Variants in PLCB1 observed in about 807,000 individuals in gnomAD.
PLCB1 encodes the protein 1-phosphatidylinositol 4,5-bisphosphate phosphodiesterase beta-1.
Under a neutral mutation model 161.8 loss-of-function variants are expected in PLCB1, and 46 were observed. The observed-to-expected ratio is 0.28, with a 90% CI of 0.22 to 0.36. The LOEUF is 0.36. PLCB1 is among the 10% of genes least tolerant of loss of function. The pLI, the probability that PLCB1 is intolerant of heterozygous loss-of-function variation, is 1.00. For synonymous variants in PLCB1, 517 were observed against 503.7 expected (o/e 1.03, Z -0.35); for missense variants, 1,016 against 1,472.5 (o/e 0.69, Z 5.07).
intron 2 of PLCB1, among the ~76,000 whole-genome samples, chr20:8,167,712 C>G (rs2051689697): frequency 6.6e-6 from 1 of 152,142 alleles, no homozygotes; most frequent in Non-Finnish European, 1.5e-5. Flanking sequence ...AGAGGGATTT[C>G]TCTTTTATCT....
At chr20:8,455,767 G>A (rs1283359017) in intron 3 of PLCB1, among the ~76,000 whole-genome samples, 7 of 152,106 alleles carry the variant, frequency 4.6e-5, no homozygotes, top group Non-Finnish European at 1.0e-4. Flanking sequence ...GAGAATGTGA[G>A]GAGGATGTGG....
intron 1 of PLCB1, among the ~76,000 whole-genome samples, chr20:8,138,193 A>G (rs2051368114): frequency 6.6e-6 from 1 of 152,226 alleles, no homozygotes; most frequent in African/African-American, 2.4e-5. Context: ...CCTATGGTGA[A>G]TGAGGATAAT....
chr20:8,415,716 T>C (rs964322898), intron 3 of PLCB1, among the ~76,000 whole-genome samples: 14 of 152,130 alleles, frequency 9.2e-5, no homozygotes, highest in African/African-American at 3.1e-4. Flanking sequence ...CCTTAGATGG[T>C]GGACATGGTG....
chr20:8,742,709 T>G (rs1980947493), intron 23 of PLCB1, among the ~76,000 whole-genome samples: 1 of 152,116 alleles, frequency 6.6e-6, no homozygotes, highest in African/African-American at 2.4e-5. Flanking sequence ...TAAATATTCT[T>G]CTATGACATG....
chr20:8,259,955 C>T (rs1218988568), intron 2 of PLCB1, among the ~76,000 whole-genome samples: 2 of 152,094 alleles, frequency 1.3e-5, no homozygotes, highest in African/African-American at 4.8e-5. Flanking sequence ...CAGACTCTCT[C>T]TCCCTAAAAA....
At chr20:8,548,193 T>C (rs976012463) in intron 3 of PLCB1, among the ~76,000 whole-genome samples, 84 of 149,008 alleles carry the variant, frequency 5.6e-4, no homozygotes, top group Non-Finnish European at 7.5e-4. Flanking sequence ...TAGCTTTCTT[T>C]CTTCCCATTT....
At chr20:8,489,929 T>C (rs1480303336) in intron 3 of PLCB1, among the ~76,000 whole-genome samples, 3 of 152,198 alleles carry the variant, frequency 2.0e-5, no homozygotes, top group Non-Finnish European at 4.4e-5. Flanking sequence ...TTTGATTTAT[T>C]TTAATGAAGA....
intron 2 of PLCB1, among the ~76,000 whole-genome samples, chr20:8,325,416 T>C (rs1189274131): frequency 2.6e-5 from 4 of 152,162 alleles, no homozygotes; most frequent in Non-Finnish European, 5.9e-5. Context: ...CAACATTTGT[T>C]TGGGAGAGAT....
intron 31 of PLCB1, among the ~76,000 whole-genome samples, chr20:8,797,679 G>A (rs1290260485): frequency 6.6e-6 from 1 of 152,088 alleles, no homozygotes; most frequent in African/African-American, 2.4e-5. Flanking sequence ...GCTTGTTGCA[G>A]GGAAGCTTTC....
chr20:8,874,678 T>C (rs1316395726), intron 31 of PLCB1, among the ~76,000 whole-genome samples: 2 of 152,056 alleles, frequency 1.3e-5, no homozygotes, highest in East Asian at 1.9e-4. Context: ...CAATACATAA[T>C]GCATATGTGG....
At chr20:8,399,533 GA>G (rs1978452050) in intron 3 of PLCB1, among the ~76,000 whole-genome samples, 1 of 151,980 alleles carries the variant, frequency 6.6e-6, no homozygotes, top group Admixed American at 6.6e-5. Context: ...TTCTATAAGG[GA>G]AAAGTGGATT....
intron 2 of PLCB1, among the ~76,000 whole-genome samples, chr20:8,223,916 A>G (rs6055665): frequency 0.012 from 1,849 of 152,324 alleles, 43 homozygotes; most frequent in African/African-American, 0.042. Context: ...GAAAGCACAA[A>G]AGGGATAGAA....
rs2051636608 is a variant in PLCB1, at chr20:8,162,517, T to C, written c.177+12146T>C. ...AGATAATTTCAGGTGTGATAGGAAG[T>C]TTGCCTTTCATCACCTCTACATGAT... On this transcript the variant is annotated intron_variant, in intron 2 of 31. Transcript: ENST00000338037. 2.6e-5 allele frequency among the ~76,000 whole-genome samples: 4 copies of C among 152,170 alleles called. No individual in the cohort carries two copies. The South Asian group carries it at 6.2e-4, about 24-fold the overall frequency.
chr20:8,186,780 A>T (rs1227577426), intron 2 of PLCB1, among the ~76,000 whole-genome samples: 4 of 152,178 alleles, frequency 2.6e-5, no homozygotes, highest in African/African-American at 9.7e-5. Context: ...ACTGTGATGC[A>T]CATTTGACCC....
chr20:8,750,907 T>G (rs767527711), intron 23 of PLCB1: 18 of 1,231,766 alleles, frequency 1.5e-5, no homozygotes, highest in African/African-American at 3.1e-5. Context: ...AGCAAGATGC[T>G]GTCATAAGGT....
intron 2 of PLCB1, among the ~76,000 whole-genome samples, chr20:8,276,836 A>G (rs1160583756): frequency 1.3e-5 from 2 of 152,056 alleles, no homozygotes; most frequent in Non-Finnish European, 2.9e-5. Flanking sequence ...TAGCCCCGCC[A>G]TGAAATACTG....
chr20:8,664,355 C>A (rs1032100681), intron 9 of PLCB1, among the ~76,000 whole-genome samples: 6 of 152,058 alleles, frequency 3.9e-5, no homozygotes, highest in African/African-American at 9.6e-5. Flanking sequence ...AATGGCGAAG[C>A]AATTTGGTTT....
chr20:8,452,346 T>A (rs1981110351), intron 3 of PLCB1, among the ~76,000 whole-genome samples: 1 of 152,170 alleles, frequency 6.6e-6, no homozygotes, highest in African/African-American at 2.4e-5. Flanking sequence ...TGTGAGAATA[T>A]ATGGTGAAAT....
intron 3 of PLCB1, among the ~76,000 whole-genome samples, chr20:8,559,690 T>C (rs1986080311): frequency 6.6e-6 from 1 of 151,988 alleles, no homozygotes; most frequent in African/African-American, 2.4e-5. Flanking sequence ...AAATAGACCT[T>C]AGGTCACACA....
Sources: allele counts gnomAD v4.1 joint callset (sites outside exome capture counted in the v4.1 genomes callset), GRCh38; gene constraint gnomAD v4.1.1; transcripts MANE v1.5; gene names NCBI Gene and HGNC (gene_info 2026-07-23, HGNC 2026-07-21).